HERC1: variants seen among roughly 807,000 people sequenced by gnomAD.
HERC1 encodes HECT and RLD domain containing E3 ubiquitin protein ligase family member 1.
In HERC1, 160 loss-of-function variants were observed where a neutral mutation model predicts 554.3. That is an observed-to-expected ratio of 0.29 (90% confidence interval 0.25 to 0.33). HERC1 has a LOEUF of 0.33. Ranked by LOEUF, HERC1 falls within the 10% of genes least tolerant of loss-of-function variation. The pLI is 1.00. For missense variants in HERC1, 4,919 were observed against 5,918.5 expected, an observed-to-expected ratio of 0.83 and a Z score of 5.54; for synonymous variants, 2,175 against 2,131.7, an observed-to-expected ratio of 1.02 and a Z score of -0.56.
At chr15:63,807,434 C>T (rs1284157842) in intron 1 of HERC1, among the ~76,000 whole-genome samples, 1 of 152,158 alleles carries the variant, frequency 6.6e-6, no homozygotes, top group African/African-American at 2.4e-5. Flanking sequence ...GCTTGGCTTC[C>T]ATTGCTCCAG....
intron 34 of HERC1, 65 bp downstream of exon 34, chr15:63,686,294 A>G (rs924278817): frequency 2.4e-5 from 29 of 1,201,068 alleles, no homozygotes; most frequent in Middle Eastern, 2.7e-4. Context: ...CACATTTATT[A>G]TAAGAACCTG....
At chr15:63,832,639 T>C (rs1169296307) in intron 1 of HERC1, among the ~76,000 whole-genome samples, 1 of 152,232 alleles carries the variant, frequency 6.6e-6, no homozygotes, top group Admixed American at 6.5e-5. Context: ...TTTTAACGTT[T>C]GATTTTTCAA....
intron 3 of HERC1, among the ~76,000 whole-genome samples, chr15:63,763,690 G>A (rs1370228229): frequency 6.6e-6 from 1 of 151,940 alleles, no homozygotes; most frequent in Non-Finnish European, 1.5e-5. Flanking sequence ...GGTTACTTTG[G>A]GGAGGAGAAA....
intron 38 of HERC1, among the ~76,000 whole-genome samples, 176 bp from the exon 39 acceptor site, chr15:63,672,870 T>A (rs1003061976): frequency 1.3e-5 from 2 of 152,244 alleles, no homozygotes; most frequent in African/African-American, 4.8e-5. Context: ...CATCTTTGTA[T>A]TCACTACTGT....
chr15:63,736,898 C>T (rs1477303318), intron 12 of HERC1, among the ~76,000 whole-genome samples: 15 of 151,930 alleles, frequency 9.9e-5, no homozygotes, highest in African/African-American at 3.4e-4. Flanking sequence ...TGAGCCACCA[C>T]GCCCGGCCAT....
Position 63,677,200 on chromosome 15 carries a change from G to A in HERC1, c.7070+645C>T, listed in dbSNP as rs939695342. ...TTGGATTTTGGATTTTTGGATTTGG[G>A]ATGCTCAACCTGCATTTCCTTGTAA... On this transcript the variant is annotated intron_variant, in intron 37 of 77. Transcript: ENST00000443617. The surrounding 1 kb of genome is among the most constrained non-coding windows in gnomAD (Gnocchi z 4.4). Among the ~76,000 whole-genome samples the A allele has an allele frequency of 6.6e-6, 1 of 152,128 alleles. No homozygotes were observed. The highest frequency in any genetic ancestry group is 1.9e-4 in the East Asian group (1 of 5,190).
intron 73 of HERC1, among the ~76,000 whole-genome samples, chr15:63,623,395 A>G (rs1043540468): frequency 6.6e-6 from 1 of 152,218 alleles, no homozygotes; most frequent in African/African-American, 2.4e-5. Context: ...ACCAGAATAA[A>G]TCAGAGCACA....
chr15:63,636,826 G>A (rs576578046), intron 64 of HERC1, among the ~76,000 whole-genome samples: 56 of 152,198 alleles, frequency 3.7e-4, no homozygotes, highest in African/African-American at 1.3e-3. Flanking sequence ...AAGAGGTCTC[G>A]AAGCTTGTGC....
chr15:63,634,959 T>G (rs1327981174), intron 65 of HERC1, 71 bp from the exon 66 acceptor site: 3 of 1,146,864 alleles, frequency 2.6e-6, no homozygotes, highest in Non-Finnish European at 3.8e-6. Flanking sequence ...CTGCCATTTT[T>G]GGTATTAATA....
In HERC1 at chr15:63,723,269, C is replaced by A; in HGVS notation, c.3655G>T (p.Ala1219Ser). 6.3e-7 allele frequency: 1 copy of A among 1,598,002 alleles called. No homozygotes were observed. The highest frequency in any genetic ancestry group is 8.5e-7 in the Non-Finnish European group (1 of 1,171,278). Residue 1219 changes from alanine to serine, a missense_variant, in exon 19 of 78, where the codon GCT (alanine) becomes TCT (serine). By Grantham distance (99) the Ala-to-Ser change is moderately conservative (BLOSUM62 1). Around this residue, in one of 11 missense-constraint regions of HERC1, gnomAD observed 1,121 missense variants for 1,244.0 expected, o/e 0.90. Transcript: ENST00000443617. ...CCCAATGCCAAGTCTACATAGACAG[C>A]AATTTCAGGCCGCAATTTATAATCA... ...PFDYKLRPEIAVYVDLALGCS... is the reference protein window; with the variant it reads ...PFDYKLRPEISVYVDLALGCS...
At chr15:63,747,674 ACGCG>A in intron 11 of HERC1, 46 bp downstream of exon 11, 1 of 1,079,646 alleles carries the variant, frequency 9.3e-7, no homozygotes, top group Non-Finnish European at 1.4e-6. Context: ...ACATGCACAC[ACGCG>A]CGCGCACACA....
chr15:63,673,803 T>A (rs1425736642), intron 38 of HERC1, among the ~76,000 whole-genome samples: 2 of 152,218 alleles, frequency 1.3e-5, no homozygotes, highest in Non-Finnish European at 2.9e-5. Context: ...CGGCTCACTG[T>A]AACCTCCGCC....
chr15:63,755,993 C>T (rs979956558), intron 5 of HERC1, among the ~76,000 whole-genome samples: 1 of 152,084 alleles, frequency 6.6e-6, no homozygotes, highest in African/African-American at 2.4e-5. Context: ...CCACACCTGC[C>T]CAAGGTAACC....
intron 39 of HERC1, among the ~76,000 whole-genome samples, chr15:63,669,963 G>C (rs778626956): frequency 5.9e-5 from 9 of 152,146 alleles, no homozygotes; most frequent in Non-Finnish European, 8.8e-5. Flanking sequence ...TAGCAAAATA[G>C]ATGAAAAATG....
intron 60 of HERC1, among the ~76,000 whole-genome samples, chr15:63,640,812 A>G (rs2069017229): frequency 6.6e-6 from 1 of 152,078 alleles, no homozygotes; most frequent in Non-Finnish European, 1.5e-5. Flanking sequence ...CATATAGTAC[A>G]TTTTCATCAT....
chr15:63,625,003 A>G (rs1178803480), intron 71 of HERC1, among the ~76,000 whole-genome samples: 1 of 152,158 alleles, frequency 6.6e-6, no homozygotes, highest in Non-Finnish European at 1.5e-5. Context: ...TGCCTTTCTC[A>G]GTTAACTTTA....
At position 63,756,558 on chromosome 15, in the gene HERC1, A is replaced by T; in HGVS notation, c.1412T>A (p.Leu471Ter). 6.2e-7 allele frequency: 1 copy of T among 1,613,872 alleles called. No individual in the cohort carries two copies. The highest frequency in any genetic ancestry group is 8.5e-7 in the Non-Finnish European group (1 of 1,179,760). Reference protein sequence around the residue: ...SSSKGSDGHTLAFTTEGEVFS... With the variant: ...SSSKGSDGHT ...GACTTCTCCTTCTGTCGTAAAGGCT[A>T]AAGTGTGACCATCAGATCCTTTAGA... Residue 471 changes from leucine (L) to a stop codon, truncating the protein, a stop_gained, in exon 5 of 78, where the codon TTA (leucine) becomes TAA (stop). Transcript: ENST00000443617. LOFTEE classifies it high-confidence loss of function. This position sits in a 1 kb window ranked among gnomAD's most constrained non-coding sequence, Gnocchi z 5.0.
chr15:63,712,684 A>T, intron 24 of HERC1, 91 bp downstream of exon 24: 3 of 1,206,656 alleles, frequency 2.5e-6, no homozygotes, highest in Non-Finnish European at 3.4e-6. Flanking sequence ...TATATGTCTA[A>T]AACAAACATA....
chr15:63,831,026 T>A (rs769831409), intron 1 of HERC1, among the ~76,000 whole-genome samples: 1 of 152,266 alleles, frequency 6.6e-6, no homozygotes, highest in Non-Finnish European at 1.5e-5. Flanking sequence ...AACATCATGA[T>A]AATCTGCAAT....
Sources: gnomAD v4.1 joint callset for allele counts (sites outside exome capture counted in the v4.1 genomes callset) on GRCh38, gnomAD v4.1.1 for gene constraint, gnomAD v4.1.1 regional missense constraint, Gnocchi (gnomAD v3.1) non-coding constraint, MANE v1.5 for transcripts, NCBI Gene and HGNC (gene_info 2026-07-23, HGNC 2026-07-21) for gene names.